The following ERG variants were observed in gnomAD, a reference collection of about 807,000 sequenced individuals.
ERG encodes the protein transcriptional regulator ERG.
A neutral mutation model predicts 55.3 loss-of-function variants in ERG; 9 were observed. The ratio of observed to expected loss-of-function variants is 0.16; its 90% CI spans 0.10 to 0.28. The LOEUF (loss-of-function observed/expected upper bound fraction) is 0.28. Ranked by LOEUF, ERG falls within the 10% of genes least tolerant of loss-of-function variation. The pLI is 1.00. For missense variants in ERG, 434 were observed against 631.6 expected (o/e 0.69, Z 3.35); for synonymous variants, 223 against 237.3 (o/e 0.94, Z 0.55).
intron 1 of ERG, among the ~76,000 whole-genome samples, chr21:38,483,788 C>T (rs749380084): frequency 6.6e-5 from 10 of 152,148 alleles, no homozygotes; most frequent in East Asian, 1.9e-4. Context: ...TCTTGAACCC[C>T]GGGAGAGGGT....
intron 1 of ERG, among the ~76,000 whole-genome samples, chr21:38,652,921 G>A (rs184372305): frequency 5.3e-5 from 8 of 152,228 alleles, no homozygotes; most frequent in East Asian, 1.9e-4. Context: ...ATTCACCCCC[G>A]TTCTAGATTT....
chr21:38,473,798 G>A (rs929859884), intron 1 of ERG, among the ~76,000 whole-genome samples: 85 of 151,960 alleles, frequency 5.6e-4, no homozygotes, highest in Non-Finnish European at 9.6e-4. Context: ...ATATATATGT[G>A]TGTGTGTGTG....
chr21:38,414,544 A>T (rs181025750), intron 3 of ERG, among the ~76,000 whole-genome samples: 1 of 152,334 alleles, frequency 6.6e-6, no homozygotes, highest in African/African-American at 2.4e-5. Context: ...CTGTTTAAGC[A>T]TGTCACACAT....
chr21:38,392,286 A>T, intron 7 of ERG, 90 bp downstream of exon 7: 1 of 1,143,022 alleles, frequency 8.7e-7, no homozygotes, highest in Non-Finnish European at 1.3e-6. Context: ...GCAAAATCAC[A>T]GATTAACCAC....
chr21:38,564,443 A>G (rs1375012914), intron 2 of ERG, among the ~76,000 whole-genome samples: 1 of 152,194 alleles, frequency 6.6e-6, no homozygotes, highest in Admixed American at 6.5e-5. Context: ...ATCAAAAACA[A>G]TCTGCACAAC....
At chr21:38,640,747 G>A (rs1485902331) in intron 1 of ERG, among the ~76,000 whole-genome samples, 5 of 152,062 alleles carry the variant, frequency 3.3e-5, no homozygotes, top group African/African-American at 4.8e-5. Flanking sequence ...TATCAGCGGT[G>A]TGAAAATGGA....
intron 1 of ERG, among the ~76,000 whole-genome samples, chr21:38,643,034 C>T (rs1381190656): frequency 6.6e-6 from 1 of 152,218 alleles, no homozygotes; most frequent in Non-Finnish European, 1.5e-5. Context: ...TTCCCTTACT[C>T]ATTGCATCAA....
At chr21:38,374,329 C>T in the ERG span, among the ~76,000 whole-genome samples, 6 of 152,310 alleles carry the variant, frequency 3.9e-5, no homozygotes, top group Middle Eastern at 3.4e-3. Context: ...AAACAGTTGT[C>T]GACCAGCTAG....
At chr21:38,498,545 G>A (rs1568857030), upstream of ERG, 5 of 1,354,910 alleles carry the variant, frequency 3.7e-6, no homozygotes, top group Non-Finnish European at 4.7e-6. The surrounding 1 kb of genome is among the most constrained non-coding windows in gnomAD (Gnocchi z 4.6). Context: ...GGTCCTGGCT[G>A]TCCAGCCCAA....
chr21:38,582,470 T>G (rs1250471045), intron 1 of ERG, among the ~76,000 whole-genome samples: 1 of 152,184 alleles, frequency 6.6e-6, no homozygotes, highest in East Asian at 1.9e-4. Context: ...AATAAAAAAT[T>G]TGTAAAACCT....
At chr21:38,424,145 G>A (rs187163215) in intron 2 of ERG, among the ~76,000 whole-genome samples, 4 of 149,162 alleles carry the variant, frequency 2.7e-5, no homozygotes, top group African/African-American at 9.9e-5. Flanking sequence ...TCCCACGATG[G>A]GATTAGTGCC....
chr21:38,409,417 A>G (rs1988933375), intron 3 of ERG, among the ~76,000 whole-genome samples: 1 of 145,126 alleles, frequency 6.9e-6, no homozygotes, highest in Non-Finnish European at 1.5e-5. Context: ...CAGGAGGCAG[A>G]GGTTGCGATA....
intron 2 of ERG, among the ~76,000 whole-genome samples, chr21:38,569,069 CT>C (rs1384913007): frequency 2.0e-5 from 3 of 152,218 alleles, no homozygotes; most frequent in East Asian, 1.9e-4. Context: ...AGCAGCTCCC[CT>C]GTCCCTCTCT....
chr21:38,476,528 A>G (rs2146637435), intron 1 of ERG, among the ~76,000 whole-genome samples: 1 of 152,322 alleles, frequency 6.6e-6, no homozygotes, highest in South Asian at 2.1e-4. Flanking sequence ...TCCAATGGCC[A>G]TGCAAAAATC....
intron 1 of ERG, among the ~76,000 whole-genome samples, chr21:38,584,693 T>C (rs2060051559): frequency 6.6e-6 from 1 of 152,140 alleles, no homozygotes; most frequent in Non-Finnish European, 1.5e-5. Context: ...ACATAATTCA[T>C]CCAAGTACAG....
chr21:38,627,101 T>TA lies in ERG; in HGVS notation c.-150+34556dup, dbSNP rs146669380. Among the ~76,000 whole-genome samples the TA allele has an allele frequency of 6.6e-5, 10 of 150,872 alleles. 1 individual carries two copies. In the South Asian group the frequency reaches 8.4e-4, roughly 13 times the overall value. On this transcript the variant is annotated intron_variant, in intron 1 of 10. Coordinates refer to the ERG transcript ENST00000398910. ...AAAAAAATTTTTTAAATACCGAGAA[T>TA]AAAAAAAAATTTGCAAAAAAGAGTA...
intron 5 of ERG, 59 bp downstream of exon 5, chr21:38,402,498 G>A: frequency 7.6e-7 from 1 of 1,315,382 alleles, no homozygotes; most frequent in Non-Finnish European, 1.1e-6. Context: ...ATGAAAGCAT[G>A]CAACCTGTAC....
At chr21:38,650,339 C>G (rs2060481250) in intron 1 of ERG, among the ~76,000 whole-genome samples, 1 of 152,130 alleles carries the variant, frequency 6.6e-6, no homozygotes, top group Admixed American at 6.5e-5. Flanking sequence ...GAAATCTTAA[C>G]TTTAAGAGTA....
At chr21:38,534,930 T>C (rs2059698504) in intron 2 of ERG, among the ~76,000 whole-genome samples, 1 of 152,176 alleles carries the variant, frequency 6.6e-6, no homozygotes, top group African/African-American at 2.4e-5. Context: ...AGATGAATCT[T>C]TTTTTAAATT....
Sources: gnomAD v4.1 joint callset for allele counts (sites outside exome capture counted in the v4.1 genomes callset) on GRCh38, gnomAD v4.1.1 for gene constraint, Gnocchi (gnomAD v3.1) non-coding constraint, MANE v1.5 for transcripts, NCBI Gene and HGNC (gene_info 2026-07-23, HGNC 2026-07-21) for gene names.